Variants in SCAI observed in about 807,000 individuals in gnomAD.
SCAI encodes protein SCAI.
Under a neutral mutation model 92.2 loss-of-function variants are expected in SCAI, and 24 were observed. The ratio of observed to expected loss-of-function variants is 0.26; its 90% CI spans 0.19 to 0.37. The LOEUF (loss-of-function observed/expected upper bound fraction) is 0.37. SCAI is among the 10% of genes least tolerant of loss of function. The probability of loss-of-function intolerance (pLI) is 1.00; values close to 1 mark genes in which losing one functional copy is unlikely to be tolerated. For missense variants in SCAI, 450 were observed against 736.2 expected (o/e 0.61, Z 4.50); for synonymous variants, 261 against 258.6 (o/e 1.01, Z -0.09).
chr9:125,093,736 T>C (rs1834490732), intron 2 of SCAI, among the ~76,000 whole-genome samples: 1 of 152,026 alleles, frequency 6.6e-6, no homozygotes, highest in Non-Finnish European at 1.5e-5. Flanking sequence ...TGGCTAATTT[T>C]TGTATTTTTA....
intron 3 of SCAI, among the ~76,000 whole-genome samples, chr9:125,044,740 G>A (rs1429963416): frequency 6.6e-6 from 1 of 152,172 alleles, no homozygotes; most frequent in African/African-American, 2.4e-5. Context: ...AAGAGCTGAG[G>A]CCCTTTGGGA....
chr9:125,059,558 C>A (rs568592293), intron 2 of SCAI, among the ~76,000 whole-genome samples: 2 of 152,274 alleles, frequency 1.3e-5, no homozygotes, highest in East Asian at 3.9e-4. Context: ...ATTAAAACTA[C>A]ACTAATTATA....
intron 2 of SCAI, among the ~76,000 whole-genome samples, chr9:125,092,261 C>A (rs1401065672): frequency 6.6e-6 from 1 of 150,574 alleles, no homozygotes; most frequent in African/African-American, 2.4e-5. Context: ...GAGTTCAAGA[C>A]CACCTGGCCA....
At chr9:125,044,825 CT>C (rs1025861753) in intron 3 of SCAI, among the ~76,000 whole-genome samples, 2 of 152,298 alleles carry the variant, frequency 1.3e-5, no homozygotes, top group African/African-American at 4.8e-5. Flanking sequence ...CATCTCCAAG[CT>C]TCTGGGCACC....
intron 17 of SCAI, among the ~76,000 whole-genome samples, chr9:124,956,368 G>T (rs773607250): frequency 2.0e-5 from 3 of 152,076 alleles, no homozygotes; most frequent in Non-Finnish European, 4.4e-5. Context: ...ACAGGCATGC[G>T]CCACCACGCC....
At chr9:125,046,778 A>G (rs1833453328) in intron 3 of SCAI, among the ~76,000 whole-genome samples, 1 of 151,820 alleles carries the variant, frequency 6.6e-6, no homozygotes, top group African/African-American at 2.4e-5. Context: ...CAGCAACTTT[A>G]AAGGGGAAGA....
chr9:124,977,813 T>G (rs1474722786), intron 14 of SCAI, among the ~76,000 whole-genome samples: 2 of 152,226 alleles, frequency 1.3e-5, no homozygotes, highest in Non-Finnish European at 2.9e-5. Context: ...TTAGGACTTA[T>G]GTACACATAA....
chr9:125,000,045 G>C, intron 12 of SCAI, 55 bp from the exon 13 acceptor site: 1 of 735,498 alleles, frequency 1.4e-6, no homozygotes, highest in South Asian at 1.9e-5. Context: ...ACACTGACCT[G>C]ATGTTCAAAT....
intron 3 of SCAI, among the ~76,000 whole-genome samples, chr9:125,039,622 T>C (rs13298083): frequency 0.23 from 34,590 of 152,090 alleles, 4,887 homozygotes; most frequent in Non-Finnish European, 0.31. Flanking sequence ...TGGACAGTTC[T>C]GCCAGTCTCA....
At chr9:125,126,567 G>GGT (rs748121151) in intron 2 of SCAI, among the ~76,000 whole-genome samples, 2,106 of 128,478 alleles carry the variant, frequency 0.016, 23 homozygotes, top group Non-Finnish European at 0.024. Context: ...GGTGGGTGTG[G>GGT]GTGTGTGTGT....
intron 2 of SCAI, among the ~76,000 whole-genome samples, chr9:125,115,688 C>T (rs1835031464): frequency 6.6e-6 from 1 of 151,890 alleles, no homozygotes; most frequent in Non-Finnish European, 1.5e-5. Context: ...ATAGTCATAT[C>T]CAGTCACTTA....
In SCAI at chr9:124,952,858, G is replaced by A. The variant is rs561511916; in HGVS notation, c.1770C>T (p.Ser590=). ...AGAACACGTTTCGAACATCCAGAAT[G>A]GATGCTAATTCCAAAATGTGCTTCT... ...HLQKHILELA[S]ILDVRNVFFE... The change falls in exon 18 of 18, where the codon TCC becomes TCT. Residue 590 remains serine (S), a synonymous_variant. Coordinates refer to ENST00000336505, the MANE Select transcript of SCAI (RefSeq NM_001144877.3). 23 of 1,613,266 alleles carry A rather than the reference G, an allele frequency of 1.4e-5. No homozygotes were observed. The Admixed American group carries it at 1.8e-4, about 13-fold the overall frequency.
chr9:124,981,664 T>C (rs1482584134), intron 14 of SCAI, among the ~76,000 whole-genome samples: 1 of 152,120 alleles, frequency 6.6e-6, no homozygotes, highest in Non-Finnish European at 1.5e-5. Context: ...ATTTTTTTTT[T>C]TTTTAGTCAA....
At chr9:125,004,489 T>C (rs940172474) in intron 9 of SCAI, among the ~76,000 whole-genome samples, 1 of 150,260 alleles carries the variant, frequency 6.7e-6, no homozygotes, top group Non-Finnish European at 1.5e-5. Context: ...CCAAAACACC[T>C]GGCTAATTTT....
intron 2 of SCAI, among the ~76,000 whole-genome samples, chr9:125,112,088 T>C (rs1834941533): frequency 6.6e-6 from 1 of 152,136 alleles, no homozygotes; most frequent in Non-Finnish European, 1.5e-5. Context: ...TAGTGCCTGT[T>C]CCCACCAGCC....
intron 3 of SCAI, among the ~76,000 whole-genome samples, chr9:125,054,100 G>A (rs1374463713): frequency 3.3e-5 from 5 of 151,948 alleles, no homozygotes; most frequent in African/African-American, 7.3e-5. Flanking sequence ...TCAGTCTCCC[G>A]AGCAGCTGTG....
At chr9:125,114,767 G>C (rs2131238097) in intron 2 of SCAI, among the ~76,000 whole-genome samples, 1 of 119,312 alleles carries the variant, frequency 8.4e-6, no homozygotes, top group Admixed American at 9.7e-5. Context: ...ACCACACCCG[G>C]CTTTTTTTTT....
intron 2 of SCAI, among the ~76,000 whole-genome samples, chr9:125,125,831 CAAAAAA>C (rs34484716): frequency 3.7e-5 from 3 of 81,984 alleles, no homozygotes; most frequent in Non-Finnish European, 5.1e-5. Flanking sequence ...GACTTTGTCT[CAAAAAA>C]AAAAAAAAAA....
chr9:125,123,831 T>C (rs566756770), intron 2 of SCAI, among the ~76,000 whole-genome samples: 1 of 152,318 alleles, frequency 6.6e-6, no homozygotes, highest in Middle Eastern at 3.4e-3. Flanking sequence ...TGCAGGATTT[T>C]AGGAAACCAC....
Sources: allele counts gnomAD v4.1 joint callset (sites outside exome capture counted in the v4.1 genomes callset), GRCh38; gene constraint gnomAD v4.1.1; transcripts MANE v1.5; gene names NCBI Gene and HGNC (gene_info 2026-07-23, HGNC 2026-07-21).